The following ORC2 variants were observed in gnomAD, a reference collection of about 807,000 sequenced individuals.
ORC2 encodes origin recognition complex subunit 2.
ORC2 carries 37 observed loss-of-function variants against 77.7 expected under a neutral mutation model. The ratio of observed to expected loss-of-function variants is 0.48; its 90% CI spans 0.37 to 0.63. The LOEUF is 0.63. Ranked by LOEUF, ORC2 falls within the 20% of genes least tolerant of loss-of-function variation. The pLI is 0.00. For synonymous variants in ORC2, 201 were observed against 229.5 expected (o/e 0.88, Z 1.12); for missense variants, 557 against 661.9 (o/e 0.84, Z 1.74).
chr2:200,943,714 G>A (rs752865324), intron 5 of ORC2, among the ~76,000 whole-genome samples: 4 of 151,672 alleles, frequency 2.6e-5, no homozygotes, highest in Non-Finnish European at 4.4e-5. Context: ...TCTTGAAACT[G>A]ACCCAAAATA....
chr2:200,950,225 G>A (rs1039833862), intron 4 of ORC2, among the ~76,000 whole-genome samples: 2 of 152,148 alleles, frequency 1.3e-5, no homozygotes, highest in African/African-American at 4.8e-5. Context: ...CAGCTACTCA[G>A]GAGGCTGAGG....
At chr2:200,930,177 T>C (rs2040913978) in intron 11 of ORC2, among the ~76,000 whole-genome samples, 2 of 151,446 alleles carry the variant, frequency 1.3e-5, no homozygotes, top group Admixed American at 6.6e-5. Flanking sequence ...TATGTGATGC[T>C]CTCTGGCAAT....
At chr2:200,941,143 C>A in intron 7 of ORC2, 105 bp downstream of exon 7, 1 of 837,570 alleles carries the variant, frequency 1.2e-6, no homozygotes, top group South Asian at 1.7e-5. Context: ...AATTACAAAG[C>A]ACTATATAAA....
At chr2:200,917,046 G>A (rs1295572906) in intron 15 of ORC2, among the ~76,000 whole-genome samples, 1 of 147,952 alleles carries the variant, frequency 6.8e-6, no homozygotes, top group African/African-American at 2.5e-5. Flanking sequence ...ACAGGCTGGA[G>A]TGCAGTGGTG....
intron 15 of ORC2, among the ~76,000 whole-genome samples, chr2:200,915,628 A>G (rs1037069076): frequency 3.3e-5 from 5 of 152,222 alleles, no homozygotes; most frequent in Non-Finnish European, 5.9e-5. Context: ...TTCAAAACTT[A>G]TATGAATTTT....
chr2:200,935,897 G>T lies in ORC2; in HGVS notation c.515-5C>A, dbSNP rs774583051. The T allele has an allele frequency of 3.1e-6, 5 of 1,607,186 alleles. No homozygotes were observed. In the Admixed American group the frequency reaches 5.1e-5, roughly 17 times the overall value. On this transcript the variant is annotated splice_region_variant and splice_polypyrimidine_tract_variant and intron_variant, in intron 8 of 17. Transcript: ENST00000234296. ...TGTCAGAATGAGACCTTGGAACTGT[G>T]GGGGGAAAAATAGCAATTTGGACAA...
chr2:200,960,556 A>T (rs1398868443), intron 1 of ORC2, among the ~76,000 whole-genome samples: 1 of 152,066 alleles, frequency 6.6e-6, no homozygotes, highest in African/African-American at 2.4e-5. Flanking sequence ...GCTGTTTGTG[A>T]GGCACTGTAT....
rs1003032824 is a variant in ORC2 at position 200,946,490 on chromosome 2, G to A, written c.328+3064C>T. On this transcript the variant is annotated intron_variant, in intron 5 of 17. Transcript: ENST00000234296. ...AAGTCTGATCAGTCTGTTAAACTGC[G>A]TTCCTGAAATTTCATGGTCATAATA... Among the ~76,000 whole-genome samples the A allele has an allele frequency of 9.2e-5, 14 of 152,086 alleles. No individual in the cohort carries two copies. The East Asian group carries it at 1.3e-3, about 15-fold the overall frequency.
chr2:200,920,934 T>A (rs2307358), intron 14 of ORC2, 59 bp downstream of exon 14: 2 of 1,231,736 alleles, frequency 1.6e-6, no homozygotes, highest in East Asian at 5.5e-5. Flanking sequence ...TTTATATTAA[T>A]AGAATTTGTC....
chr2:200,913,634 TCTC>T (rs1472983138), intron 16 of ORC2: 16 of 1,308,804 alleles, frequency 1.2e-5, no homozygotes, highest in South Asian at 2.1e-5. Flanking sequence ...GGGAAGAAAA[TCTC>T]CTAAGATGCC....
chr2:200,960,648 A>T (rs2041554619), intron 1 of ORC2, among the ~76,000 whole-genome samples: 1 of 152,204 alleles, frequency 6.6e-6, no homozygotes, highest in Admixed American at 6.5e-5. Flanking sequence ...TTATATATAT[A>T]ATGTCCCCAA....
intron 15 of ORC2, among the ~76,000 whole-genome samples, chr2:200,914,266 C>T (rs1575148118): frequency 1.3e-5 from 2 of 151,136 alleles, no homozygotes; most frequent in Non-Finnish European, 1.5e-5. Flanking sequence ...CCCGGGTTCA[C>T]GCCATTCTCC....
At chr2:200,914,918 G>A (rs1461774406) in intron 15 of ORC2, among the ~76,000 whole-genome samples, 1 of 151,564 alleles carries the variant, frequency 6.6e-6, no homozygotes, top group Non-Finnish European at 1.5e-5. Flanking sequence ...CAATGAGGCG[G>A]GTGGAAATAA....
intron 10 of ORC2, among the ~76,000 whole-genome samples, chr2:200,933,071 C>G (rs2040971061): frequency 6.6e-6 from 1 of 152,112 alleles, no homozygotes; most frequent in Admixed American, 6.6e-5. Context: ...GTGTCCTTCT[C>G]CCATATTGCT....
chr2:200,921,343 C>CG (rs2040757579), intron 13 of ORC2: 1 of 297,772 alleles, frequency 3.4e-6, no homozygotes, highest in Non-Finnish European at 6.1e-6. Context: ...TTGGTAGAGA[C>CG]GGGGTCTCAC....
intron 5 of ORC2, among the ~76,000 whole-genome samples, chr2:200,949,005 G>A (rs935895124): frequency 1.3e-5 from 2 of 151,988 alleles, no homozygotes; most frequent in Admixed American, 6.6e-5. Context: ...TTGGGAAGCC[G>A]AGGTGGGTGG....
At chr2:200,941,156 A>G in intron 7 of ORC2, 92 bp downstream of exon 7, 1 of 967,334 alleles carries the variant, frequency 1.0e-6, no homozygotes, top group East Asian at 2.5e-5. Context: ...TATATAAATT[A>G]AGAGATCAAT....
chr2:200,920,976 AG>A lies in ORC2; in HGVS notation c.1294+16del. ...GACTGATATCTCTAGAAGGAAAAATAGTAACAATTAACTTACTGAGAGGAGC... is the reference window on the plus strand; with the variant it reads ...GACTGATATCTCTAGAAGGAAAAATATAACAATTAACTTACTGAGAGGAGC... On this transcript the variant is annotated intron_variant, in intron 14 of 17. Transcript: ENST00000234296. 1 of 1,504,742 alleles carries A rather than the reference AG, an allele frequency of 6.6e-7. No homozygotes were observed. The highest frequency in any genetic ancestry group is 8.9e-7 in the Non-Finnish European group (1 of 1,121,330). The allele number at this position is 1,504,742 out of a possible 1,614,324, so 93.2% of individuals were successfully genotyped here.
chr2:200,962,868 A>G (rs1392704238), intron 1 of ORC2, among the ~76,000 whole-genome samples: 1 of 152,230 alleles, frequency 6.6e-6, no homozygotes, highest in East Asian at 1.9e-4. Flanking sequence ...GTAACGTCTC[A>G]ACATCTTTTT....
Sources: gnomAD v4.1 joint callset for allele counts (sites outside exome capture counted in the v4.1 genomes callset) on GRCh38, gnomAD v4.1.1 for gene constraint, MANE v1.5 for transcripts, NCBI Gene and HGNC (gene_info 2026-07-23, HGNC 2026-07-21) for gene names.